Variants in OXR1 observed in about 807,000 individuals in gnomAD.
The protein encoded by OXR1 is oxidation resistance protein 1.
OXR1 carries 41 observed loss-of-function variants against 104.6 expected under a neutral mutation model. The ratio of observed to expected loss-of-function variants is 0.39; its 90% CI spans 0.31 to 0.51. OXR1 has a LOEUF of 0.51. OXR1 is among the 20% of genes least tolerant of loss of function. OXR1 has a pLI of 0.77. For synonymous variants in OXR1, 348 were observed against 348.4 expected (o/e 1.00, Z 0.01); for missense variants, 955 against 1,031.9 (o/e 0.93, Z 1.02).
At chr8:106,284,363 A>G (rs1812407428) in intron 1 of OXR1, among the ~76,000 whole-genome samples, 1 of 152,058 alleles carries the variant, frequency 6.6e-6, no homozygotes, top group Admixed American at 6.6e-5. Context: ...TGTCTGGGGC[A>G]AGGTGAGTGT....
chr8:106,378,789 G>A (rs1012628607), intron 2 of OXR1, among the ~76,000 whole-genome samples: 1 of 152,188 alleles, frequency 6.6e-6, no homozygotes, highest in African/African-American at 2.4e-5. Flanking sequence ...GATTACAGGT[G>A]TGAGCCACCA....
intron 1 of OXR1, among the ~76,000 whole-genome samples, chr8:106,292,228 C>T (rs926056476): frequency 2.0e-5 from 3 of 152,136 alleles, no homozygotes; most frequent in Admixed American, 6.5e-5. Flanking sequence ...AGTAGTGATG[C>T]TGGAATTTGG....
At chr8:106,446,443 C>G (rs1820014683) in intron 2 of OXR1, among the ~76,000 whole-genome samples, 2 of 151,988 alleles carry the variant, frequency 1.3e-5, no homozygotes, top group African/African-American at 4.8e-5. Context: ...CATGGTGAAA[C>G]CCTTTCTCTA....
chr8:106,724,068 C>G (rs1250656680), intron 11 of OXR1, among the ~76,000 whole-genome samples: 1 of 152,030 alleles, frequency 6.6e-6, no homozygotes. Context: ...TTACAGCCAC[C>G]TCACCTGGCA....
chr8:106,687,425 A>G (rs989465207), intron 6 of OXR1, among the ~76,000 whole-genome samples: 1 of 152,078 alleles, frequency 6.6e-6, no homozygotes, highest in African/African-American at 2.4e-5. Flanking sequence ...ATCCTCTTAA[A>G]ATTATTCAGT....
intron 3 of OXR1, among the ~76,000 whole-genome samples, chr8:106,667,778 A>G (rs1439132484): frequency 6.6e-6 from 1 of 152,166 alleles, no homozygotes; most frequent in Non-Finnish European, 1.5e-5. Context: ...CCTCTAATCC[A>G]GTCACCCAGA....
intron 7 of OXR1, among the ~76,000 whole-genome samples, chr8:106,700,169 T>C (rs969662723): frequency 6.6e-6 from 1 of 152,208 alleles, no homozygotes; most frequent in African/African-American, 2.4e-5. Context: ...CTGAAGTTCA[T>C]GTGGATTAAG....
At chr8:106,444,964 C>A (rs1338356468) in intron 2 of OXR1, among the ~76,000 whole-genome samples, 5 of 151,850 alleles carry the variant, frequency 3.3e-5, no homozygotes, top group Admixed American at 6.6e-5. Flanking sequence ...TATTTAAGAA[C>A]AAATATGAAT....
intron 2 of OXR1, among the ~76,000 whole-genome samples, chr8:106,453,207 A>T (rs912668392): frequency 1.3e-5 from 2 of 152,136 alleles, no homozygotes; most frequent in African/African-American, 4.8e-5. Flanking sequence ...ACTGCACATA[A>T]TCACATTGGT....
chr8:106,331,237 C>G (rs2130225848), intron 1 of OXR1, among the ~76,000 whole-genome samples: 1 of 152,214 alleles, frequency 6.6e-6, no homozygotes, highest in South Asian at 2.1e-4. Context: ...GACAAAAAAG[C>G]AATGTATTCT....
At chr8:106,344,187 G>C (rs1815379953) in intron 1 of OXR1, among the ~76,000 whole-genome samples, 2 of 152,310 alleles carry the variant, frequency 1.3e-5, no homozygotes, top group Admixed American at 6.5e-5. Flanking sequence ...GAGGTTAATA[G>C]CTCAGGATTG....
At chr8:106,742,395 G>C in intron 15 of OXR1, 78 bp downstream of exon 15, 1 of 771,920 alleles carries the variant, frequency 1.3e-6, no homozygotes, top group Non-Finnish European at 2.2e-6. Flanking sequence ...TAGATTCAGT[G>C]CTATTCCCAT....
intron 1 of OXR1, among the ~76,000 whole-genome samples, chr8:106,298,760 T>TAAACAAAC (rs59188130): frequency 1.1e-4 from 17 of 151,460 alleles, no homozygotes; most frequent in African/African-American, 2.9e-4. Flanking sequence ...ACAAAACAAA[T>TAAACAAAC]AAACAAACAA....
At chr8:106,418,406 A>T (rs1027140501) in intron 2 of OXR1, among the ~76,000 whole-genome samples, 1 of 152,028 alleles carries the variant, frequency 6.6e-6, no homozygotes, top group Non-Finnish European at 1.5e-5. Context: ...CAAATGTTAC[A>T]ATATAAAGTG....
intron 11 of OXR1, among the ~76,000 whole-genome samples, chr8:106,714,406 A>G (rs1317346061): frequency 6.6e-6 from 1 of 152,030 alleles, no homozygotes; most frequent in Non-Finnish European, 1.5e-5. Flanking sequence ...TGTGCATAGT[A>G]TTTGCATAGC....
Position 106,474,793 on chromosome 8 carries a change from A to G in OXR1, c.24-44150A>G, listed in dbSNP as rs534584962. Among the ~76,000 whole-genome samples, 5 of 152,092 alleles carry G rather than the reference A, an allele frequency of 3.3e-5. No homozygotes were observed. The East Asian group carries it at 9.7e-4, about 30-fold the overall frequency. On this transcript the variant is annotated intron_variant, in intron 2 of 16. Coordinates refer to ENST00000517566, the MANE Select transcript of OXR1 (RefSeq NM_001198533.2). ...GCAAGATGATTTTATTCAATTACTT[A>G]GATTCTCTGTGCTTCAGTTTCTTCA...
intron 3 of OXR1, among the ~76,000 whole-genome samples, chr8:106,608,269 T>C (rs1820552175): frequency 6.6e-6 from 1 of 152,054 alleles, no homozygotes; most frequent in Admixed American, 6.6e-5. Flanking sequence ...CAGCCTGGGT[T>C]ACAGAGCGAG....
At chr8:106,632,414 A>G (rs1034667946) in intron 3 of OXR1, among the ~76,000 whole-genome samples, 2 of 152,194 alleles carry the variant, frequency 1.3e-5, no homozygotes, top group Admixed American at 6.5e-5. Flanking sequence ...ATTTCATCTA[A>G]TTCATTTTTA....
chr8:106,348,390 GTTACTTCGGAACA>G (rs1339676896), intron 1 of OXR1, among the ~76,000 whole-genome samples: 1 of 152,090 alleles, frequency 6.6e-6, no homozygotes, highest in Non-Finnish European at 1.5e-5. Context: ...CTTGTCCCAC[GTTACTTCGGAACA>G]TTAACATGCT....
Sources: gnomAD v4.1 joint callset for allele counts (sites outside exome capture counted in the v4.1 genomes callset) on GRCh38, gnomAD v4.1.1 for gene constraint, MANE v1.5 for transcripts, NCBI Gene and HGNC (gene_info 2026-07-23, HGNC 2026-07-21) for gene names.